The following CCNB3 variants were observed in gnomAD, a reference collection of about 807,000 sequenced individuals.
CCNB3 encodes the protein G2/mitotic-specific cyclin-B3.
Under a neutral mutation model 68.0 loss-of-function variants are expected in CCNB3, and 12 were observed. That is an observed-to-expected ratio of 0.18 (90% CI 0.11 to 0.29). The LOEUF (loss-of-function observed/expected upper bound fraction) is 0.29. CCNB3 is among the 10% of genes least tolerant of loss of function. The pLI, the probability that CCNB3 is intolerant of heterozygous loss-of-function variation, is 1.00. For synonymous variants in CCNB3, 354 were observed against 388.9 expected, an observed-to-expected ratio of 0.91 and a Z score of 1.06; for missense variants, 904 against 993.1, an observed-to-expected ratio of 0.91 and a Z score of 1.21.
chrX:50,326,644 C>G (rs10521461), intron 8 of CCNB3, among the ~76,000 whole-genome samples: 2,578 of 110,882 alleles, frequency 0.023, 65 homozygotes, highest in African/African-American at 0.081. Context: ...TAAATTAGTT[C>G]TTTTTTTCAT....
At chrX:50,216,137 C>G (rs1174797116) in intron 1 of CCNB3, among the ~76,000 whole-genome samples, 1 of 108,170 alleles carries the variant, frequency 9.2e-6, no homozygotes, top group African/African-American at 3.4e-5. Flanking sequence ...TTAGTAGAAA[C>G]GGGGTTTCAC....
Position 50,308,799 on chromosome X carries a change from A to G in CCNB3, c.630A>G (p.Pro210=), listed in dbSNP as rs1557213942. 8.3e-7 allele frequency: 1 copy of G among 1,211,771 alleles called. No homozygotes were observed. The highest frequency in any genetic ancestry group is 2.2e-5 in the Admixed American group (1 of 46,001). Residue 210 remains proline (P), a synonymous_variant, in exon 6 of 13, where the codon CCA becomes CCG. Coordinates refer to ENST00000376042, the MANE Select transcript of CCNB3 (RefSeq NM_033031.3). ...SDSDDAFVIE[P]MTFKKTHKTE... ...GTGATGATGCGTTTGTTATAGAGCCAATGACTTTTAAGAAGACACATAAAA... is the reference window on the plus strand; with the variant it reads ...GTGATGATGCGTTTGTTATAGAGCCGATGACTTTTAAGAAGACACATAAAA...
At chrX:50,341,266 C>T (rs1339784769) in intron 8 of CCNB3, among the ~76,000 whole-genome samples, 9 of 108,609 alleles carry the variant, frequency 8.3e-5, no homozygotes, top group African/African-American at 3.0e-4. Flanking sequence ...GGAGGCGGAG[C>T]TTGCAGTGAG....
At chrX:50,338,238 C>T in intron 8 of CCNB3, among the ~76,000 whole-genome samples, 1 of 112,419 alleles carries the variant, frequency 8.9e-6, no homozygotes, top group Non-Finnish European at 1.9e-5. Context: ...ACCTCACTTC[C>T]CAGTCAGGGA....
chrX:50,309,683 A>G lies in CCNB3; in HGVS notation c.1514A>G (p.Lys505Arg). Reference protein sequence around the residue: ...HATQGTMSHLKKPLILQTTSG... With the variant: ...HATQGTMSHLRKPLILQTTSG... Reference sequence around the variant, plus strand: ...ACTCAGGGGACAATGTCCCACTTGAAGAAACCACTAATATTACAGACCACC... The same window carrying G: ...ACTCAGGGGACAATGTCCCACTTGAGGAAACCACTAATATTACAGACCACC... Residue 505 changes from lysine to arginine, a missense_variant, in exon 6 of 13, where the codon AAG becomes AGG. Around this residue, in one of 2 missense-constraint regions of CCNB3, gnomAD observed 619 missense variants for 609.8 expected, o/e 1.02. Transcript: ENST00000376042. The G allele has an allele frequency of 3.3e-6, 4 of 1,210,518 alleles. No individual in the cohort carries two copies. Among genetic ancestry groups the G allele is most frequent in the Non-Finnish European group, 4.5e-6 (4 of 894,824 alleles).
Position 50,310,360 on chromosome X carries a change from C to A in CCNB3, c.2191C>A (p.Leu731Met). The A allele has an allele frequency of 1.7e-6, 2 of 1,211,862 alleles. No individual in the cohort carries two copies. Among genetic ancestry groups the A allele is most frequent in the East Asian group, 5.9e-5 (2 of 33,809 alleles). The change falls in exon 6 of 13, where the codon CTG becomes ATG. Residue 731 changes from leucine to methionine, a missense_variant. Coordinates refer to ENST00000376042, the MANE Select transcript of CCNB3 (RefSeq NM_033031.3). ...EESLINKLLALKEELSAEAAT... is the reference protein window; with the variant it reads ...EESLINKLLAMKEELSAEAAT... Reference sequence around the variant, plus strand: ...GTCCCTTATCAATAAGCTATTGGCTCTGAAGGAGGAGCTTTCTGCTGAGGC... The same window carrying A: ...GTCCCTTATCAATAAGCTATTGGCTATGAAGGAGGAGCTTTCTGCTGAGGC...
chrX:50,228,452 A>C (rs1268449404), intron 1 of CCNB3, among the ~76,000 whole-genome samples: 3 of 92,368 alleles, frequency 3.2e-5, no homozygotes, highest in African/African-American at 1.1e-4. Context: ...GCTATATAGA[A>C]TATATATAGA....
intron 5 of CCNB3, among the ~76,000 whole-genome samples, chrX:50,304,948 T>C (rs1401986227): frequency 3.8e-4 from 42 of 111,683 alleles, no homozygotes; most frequent in Non-Finnish European, 5.5e-4. Context: ...ATCAAAACCA[T>C]AATGAGATAC....
At chrX:50,226,267 T>TAGAATATATATATTTATATATAC (rs1935784764) in intron 1 of CCNB3, among the ~76,000 whole-genome samples, 2 of 66,707 alleles carry the variant, frequency 3.0e-5, no homozygotes, top group Non-Finnish European at 4.9e-5. Flanking sequence ...TTTATATATA[T>TAGAATATATATATTTATATATAC]AGAATATATA....
At chrX:50,281,222 G>T (rs184108075) in intron 1 of CCNB3, among the ~76,000 whole-genome samples, 2 of 111,476 alleles carry the variant, frequency 1.8e-5, no homozygotes, top group African/African-American at 6.5e-5. Flanking sequence ...TTCGCGTGTC[G>T]CAGCTGTGCA....
At chrX:50,221,102 G>C (rs1006789968) in intron 1 of CCNB3, among the ~76,000 whole-genome samples, 21,547 of 110,914 alleles carry the variant, frequency 0.19, 2,010 homozygotes, top group East Asian at 0.41. Context: ...TTGTACTTCT[G>C]TGGGATCAGT....
intron 1 of CCNB3, among the ~76,000 whole-genome samples, chrX:50,226,925 A>C (rs1445603810): frequency 3.0e-5 from 2 of 66,252 alleles, no homozygotes; most frequent in African/African-American, 1.9e-4. Flanking sequence ...TATATATAGA[A>C]TATATATAGT....
intron 1 of CCNB3, among the ~76,000 whole-genome samples, chrX:50,280,137 A>G (rs1936099085): frequency 4.4e-5 from 1 of 22,593 alleles, no homozygotes; most frequent in Non-Finnish European, 1.2e-4. Flanking sequence ...GAATATATGT[A>G]AAAATATATA....
At chrX:50,322,881 A>T (rs1922100978) in intron 8 of CCNB3, among the ~76,000 whole-genome samples, 1 of 111,165 alleles carries the variant, frequency 9.0e-6, no homozygotes, top group Non-Finnish European at 1.9e-5. Context: ...ACCATCTCAC[A>T]CCAGTTAGAA....
rs1936026234 is a variant in CCNB3, at chrX:50,279,257, A to ATT, written c.-112-5285_-112-5284insTT. ...ATATATGAATATATATACTATATATAAATATATAGAGAATATATACATATT... is the reference window on the plus strand; with the variant it reads ...ATATATGAATATATATACTATATATATTAATATATAGAGAATATATACATATT... On this transcript the variant is annotated intron_variant, in intron 1 of 12. Coordinates refer to ENST00000376042, the MANE Select transcript of CCNB3 (RefSeq NM_033031.3). Among the ~76,000 whole-genome samples, 83 of 71,176 alleles carry ATT rather than the reference A, an allele frequency of 1.2e-3. No individual in the cohort carries two copies. In the South Asian group the frequency reaches 0.043, roughly 37 times the overall value. 61.8% of individuals were successfully genotyped at this position (71,176 alleles called of 115,157 possible). A position where few individuals can be genotyped will look rare whatever the true frequency, so the allele number is the denominator to read the frequency against.
chrX:50,349,514 T>G (rs782203055), intron 11 of CCNB3, among the ~76,000 whole-genome samples: 1 of 112,075 alleles, frequency 8.9e-6, no homozygotes, highest in African/African-American at 3.2e-5. Flanking sequence ...AATATAAAGG[T>G]GGGAACACCA....
At chrX:50,228,101 T>C (rs1189675202) in intron 1 of CCNB3, among the ~76,000 whole-genome samples, 3 of 88,286 alleles carry the variant, frequency 3.4e-5, no homozygotes, top group African/African-American at 4.2e-5. Flanking sequence ...ATATATAATA[T>C]ATAGAGAATA....
intron 6 of CCNB3, among the ~76,000 whole-genome samples, 173 bp downstream of exon 6, chrX:50,311,669 AC>A: frequency 9.3e-6 from 1 of 106,977 alleles, no homozygotes; most frequent in Middle Eastern, 4.7e-3. Context: ...GTATCCCTCT[AC>A]CTAGTGAGAG....
intron 4 of CCNB3, among the ~76,000 whole-genome samples, chrX:50,294,078 A>G (rs1240929951): frequency 2.7e-5 from 3 of 110,247 alleles, no homozygotes; most frequent in Non-Finnish European, 3.8e-5. Flanking sequence ...CTGGGACCAT[A>G]GGCATGTGCC....
Sources: gnomAD v4.1 joint callset for allele counts (sites outside exome capture counted in the v4.1 genomes callset) on GRCh38, gnomAD v4.1.1 for gene constraint, gnomAD v4.1.1 regional missense constraint, MANE v1.5 for transcripts, NCBI Gene and HGNC (gene_info 2026-07-23, HGNC 2026-07-21) for gene names.